SYNJ1: variants seen among roughly 807,000 people sequenced by gnomAD.
The protein encoded by SYNJ1 is polyphosphatidylinositol phosphatase SYNJ1.
In SYNJ1, 78 loss-of-function variants were observed where a neutral mutation model predicts 168.2. The observed-to-expected ratio is 0.46, with a 90% CI of 0.39 to 0.56. SYNJ1 has a LOEUF of 0.56. Among genes scored for constraint, SYNJ1 ranks in the 20% least tolerant of loss-of-function variants. SYNJ1 has a pLI of 0.00. For synonymous variants in SYNJ1, 539 were observed against 548.6 expected (o/e 0.98, Z 0.24); for missense variants, 1,303 against 1,597.6 (o/e 0.82, Z 3.14).
intron 2 of SYNJ1, among the ~76,000 whole-genome samples, chr21:32,713,744 G>A (rs998696856): frequency 8.7e-5 from 13 of 148,640 alleles, no homozygotes; most frequent in Non-Finnish European, 1.8e-4. Flanking sequence ...CAACATGGAT[G>A]ATTTCCCATA....
chr21:32,686,946 G>T (rs757603088), intron 8 of SYNJ1, 32 bp downstream of exon 8: 26 of 1,363,894 alleles, frequency 1.9e-5, no homozygotes, highest in East Asian at 2.5e-5. Context: ...GTGTCCATGG[G>T]CCAGAATGAA....
At chr21:32,703,619 C>T (rs1306380530) in intron 2 of SYNJ1, among the ~76,000 whole-genome samples, 3 of 152,100 alleles carry the variant, frequency 2.0e-5, no homozygotes, top group African/African-American at 7.2e-5. Flanking sequence ...AATACAATCA[C>T]TAATATAGTA....
chr21:32,695,212 A>T lies in SYNJ1; in HGVS notation c.550T>A (p.Cys184Ser), dbSNP rs903887015. 1.8e-5 allele frequency: 29 copies of T among 1,613,996 alleles called. No homozygotes were observed. Among genetic ancestry groups the T allele is most frequent in the Non-Finnish European group, 2.3e-5 (27 of 1,180,008 alleles). The change falls in exon 5 of 33, where the codon TGT (cysteine) becomes AGT (serine). Residue 184 changes from cysteine (C) to serine (S), a missense_variant. Transcript: ENST00000674351. Reference protein sequence around the residue: ...NCDDWLLRLMCGGVEIRTIYA... With the variant: ...NCDDWLLRLMSGGVEIRTIYA... Reference sequence around the variant, plus strand: ...ATTGTTCTGATTTCTACTCCTCCACACATAAGACGTAATAACCAGTCATCA... The same window carrying T: ...ATTGTTCTGATTTCTACTCCTCCACTCATAAGACGTAATAACCAGTCATCA...
At chr21:32,695,841 G>GTTTTTT (rs201904973) in intron 4 of SYNJ1, among the ~76,000 whole-genome samples, 3 of 127,778 alleles carry the variant, frequency 2.3e-5, no homozygotes, top group African/African-American at 3.0e-5. Flanking sequence ...TTTTTGTTTT[G>GTTTTTT]TTTTGTTTTT....
chr21:32,636,981 G>A (rs1393737047), intron 31 of SYNJ1, among the ~76,000 whole-genome samples: 4 of 152,082 alleles, frequency 2.6e-5, no homozygotes, highest in Admixed American at 1.3e-4. Context: ...CCACCAAATC[G>A]CTATACTCAC....
chr21:32,656,013 TA>T (rs1012712189), intron 21 of SYNJ1, among the ~76,000 whole-genome samples: 12 of 151,170 alleles, frequency 7.9e-5, no homozygotes, highest in South Asian at 2.1e-4. Context: ...TATCTCTCCT[TA>T]AAAAAAAATA....
intron 9 of SYNJ1, among the ~76,000 whole-genome samples, chr21:32,684,978 G>C (rs1377006118): frequency 2.6e-5 from 4 of 151,756 alleles, no homozygotes; most frequent in Non-Finnish European, 5.9e-5. Context: ...AGGAGATCGA[G>C]ACCATCCTGG....
At chr21:32,670,571 T>C (rs976950314) in intron 14 of SYNJ1, among the ~76,000 whole-genome samples, 199 bp from the exon 15 acceptor site, 1 of 152,168 alleles carries the variant, frequency 6.6e-6, no homozygotes, top group Non-Finnish European at 1.5e-5. Flanking sequence ...CTAAGTTTGC[T>C]TCTTTAAGAC....
intron 13 of SYNJ1, among the ~76,000 whole-genome samples, chr21:32,675,749 A>T (rs1411179058): frequency 6.6e-6 from 1 of 152,250 alleles, no homozygotes; most frequent in East Asian, 1.9e-4. Context: ...CAAGAAAAAT[A>T]ATAAATAGTC....
intron 22 of SYNJ1, among the ~76,000 whole-genome samples, chr21:32,653,082 A>G (rs1163730775): frequency 2.0e-5 from 3 of 152,238 alleles, no homozygotes; most frequent in Non-Finnish European, 4.4e-5. Context: ...CTATATCAAC[A>G]GTTAATATCT....
At chr21:32,656,058 T>C (rs1011775796) in intron 21 of SYNJ1, among the ~76,000 whole-genome samples, 6 of 152,246 alleles carry the variant, frequency 3.9e-5, no homozygotes, top group African/African-American at 7.2e-5. Flanking sequence ...TAGGGTTTTG[T>C]TACATGTTCT....
At chr21:32,702,207 CAAAG>C (rs1390900078) in intron 2 of SYNJ1, among the ~76,000 whole-genome samples, 160 bp from the exon 3 acceptor site, 1 of 152,116 alleles carries the variant, frequency 6.6e-6, no homozygotes, top group Non-Finnish European at 1.5e-5. Context: ...GTATTCTTCC[CAAAG>C]AGTTAATAAA....
chr21:32,696,857 T>C (rs1193066892), intron 4 of SYNJ1, among the ~76,000 whole-genome samples: 1 of 152,220 alleles, frequency 6.6e-6, no homozygotes, highest in Non-Finnish European at 1.5e-5. Flanking sequence ...TGAGTGATGA[T>C]ATTACAACAG....
At chr21:32,655,763 T>C (rs1022845023) in intron 21 of SYNJ1, among the ~76,000 whole-genome samples, 1 of 152,188 alleles carries the variant, frequency 6.6e-6, no homozygotes, top group Non-Finnish European at 1.5e-5. Flanking sequence ...CCCTATGAAA[T>C]CCAAACACAT....
chr21:32,726,334 A>G (rs1458672825), intron 2 of SYNJ1, among the ~76,000 whole-genome samples: 1 of 152,250 alleles, frequency 6.6e-6, no homozygotes, highest in African/African-American at 2.4e-5. Context: ...GAGGTTGTTT[A>G]CAATTCCCTT....
chr21:32,686,211 A>G (rs1215853000), intron 8 of SYNJ1, among the ~76,000 whole-genome samples: 1 of 152,206 alleles, frequency 6.6e-6, no homozygotes, highest in Non-Finnish European at 1.5e-5. Context: ...CCTATCAAAG[A>G]CTGAAAGATT....
intron 14 of SYNJ1, among the ~76,000 whole-genome samples, chr21:32,673,098 T>C (rs2041268286): frequency 6.6e-6 from 1 of 152,164 alleles, no homozygotes; most frequent in African/African-American, 2.4e-5. Context: ...GAATCAATTA[T>C]GGAAAAAAGA....
In SYNJ1 at chr21:32,665,963, G is replaced by A; in HGVS notation, c.2125C>T (p.Arg709Ter). ...CTTACCATAGGAAAACTCAATTTTC[G>A]TGCTATTTCTATAAAATCTTCATTT... is the stretch of plus-strand genomic sequence containing the variant. ...ERNEDFIEIA[R>*]KLSFPMGRML... Residue 709 changes from arginine to a stop codon, truncating the protein, a stop_gained, in exon 17 of 33, where the codon CGA becomes TGA. Transcript: ENST00000674351. LOFTEE classifies it high-confidence loss of function. 5 of 1,609,376 alleles carry A rather than the reference G, an allele frequency of 3.1e-6. No individual in the cohort carries two copies. The highest frequency in any genetic ancestry group is 4.2e-6 in the Non-Finnish European group (5 of 1,177,922).
At chr21:32,661,932 G>A (rs2040719496) in intron 18 of SYNJ1, among the ~76,000 whole-genome samples, 1 of 152,112 alleles carries the variant, frequency 6.6e-6, no homozygotes, top group African/African-American at 2.4e-5. Context: ...TGTCCCGTCA[G>A]CTTATTCTCC....
Sources: allele counts gnomAD v4.1 joint callset (sites outside exome capture counted in the v4.1 genomes callset), GRCh38; gene constraint gnomAD v4.1.1; transcripts MANE v1.5; gene names NCBI Gene and HGNC (gene_info 2026-07-23, HGNC 2026-07-21).